Variants in FHDC1 observed in about 807,000 individuals in gnomAD.
The protein encoded by FHDC1 is FH2 domain-containing protein 1.
Under a neutral mutation model 52.6 loss-of-function variants are expected in FHDC1, and 25 were observed. The observed-to-expected ratio is 0.48, with a 90% CI of 0.35 to 0.66. FHDC1 has a LOEUF of 0.66. FHDC1 is among the 30% of genes least tolerant of loss of function. The pLI is 0.01. For missense variants in FHDC1, 1,459 were observed against 1,452.8 expected, an observed-to-expected ratio of 1.00 and a Z score of -0.07; for synonymous variants, 616 against 581.5, an observed-to-expected ratio of 1.06 and a Z score of -0.85.
chr4:152,961,246 C>CTG (rs10689673), intron 6 of FHDC1, among the ~76,000 whole-genome samples: 142,447 of 152,122 alleles, frequency 0.94, 67,392 homozygotes, highest in Non-Finnish European at 1. Context: ...GTCGTGGCCT[C>CTG]TTGGTGGCTG....
the FHDC1 span, among the ~76,000 whole-genome samples, chr4:152,912,735 A>T: frequency 6.6e-6 from 1 of 152,182 alleles, no homozygotes; most frequent in African/African-American, 2.4e-5. Context: ...ATGGATGAAA[A>T]TGGCTGGCTT....
the FHDC1 span, among the ~76,000 whole-genome samples, chr4:152,913,941 A>G: frequency 6.6e-6 from 1 of 152,186 alleles, no homozygotes; most frequent in South Asian, 2.1e-4. Context: ...TCCACCTCCC[A>G]AAGTGCTGGG....
the FHDC1 span, among the ~76,000 whole-genome samples, chr4:152,929,715 C>A: frequency 6.6e-6 from 1 of 152,140 alleles, no homozygotes; most frequent in East Asian, 1.9e-4. The surrounding 1 kb of genome is among the most constrained non-coding windows in gnomAD (Gnocchi z 4.1). Context: ...CAATGTTTAA[C>A]CTGATTATGC....
intron 2 of FHDC1, among the ~76,000 whole-genome samples, chr4:152,953,249 A>T (rs1426725616): frequency 6.6e-6 from 1 of 152,238 alleles, no homozygotes; most frequent in African/African-American, 2.4e-5. Context: ...AAGTTATATA[A>T]TATTAAAGTA....
In FHDC1 at chr4:152,968,048, A is replaced by G; in HGVS notation, c.1169A>G (p.Asn390Ser). The G allele has an allele frequency of 1.2e-6, 2 of 1,613,852 alleles. No homozygotes were observed. The highest frequency in any genetic ancestry group is 4.5e-5 in the East Asian group (2 of 44,868). The change falls in exon 10 of 12, where the codon AAC (asparagine) becomes AGC (serine). Residue 390 changes from asparagine (N) to serine (S), a missense_variant. Asn to Ser is a conservative substitution (Grantham distance 46). Around this residue, in one of 3 missense-constraint regions of FHDC1, gnomAD observed 513 missense variants for 581.5 expected, o/e 0.88. Transcript: ENST00000511601. Reference protein sequence around the residue: ...LFVRTKSLKENIQRDGELCQQ... With the variant: ...LFVRTKSLKESIQRDGELCQQ... ...GTCAGGACAAAATCACTAAAAGAAA[A>G]CATCCAGCGGGATGGTGAACTTTGT...
intron 10 of FHDC1, among the ~76,000 whole-genome samples, chr4:152,968,574 A>G (rs1229629525): frequency 6.6e-6 from 1 of 151,954 alleles, no homozygotes; most frequent in Admixed American, 6.6e-5. Flanking sequence ...GGTGATCCGC[A>G]CTCACTGGGC....
chr4:152,962,690 T>C (rs1266082389), intron 6 of FHDC1, 124 bp from the exon 7 acceptor site: 2 of 713,630 alleles, frequency 2.8e-6, no homozygotes, highest in Non-Finnish European at 4.8e-6. Flanking sequence ...GTTTTTTCCG[T>C]TTTATATACA....
At chr4:152,963,732 A>C in intron 8 of FHDC1, among the ~76,000 whole-genome samples, 1 of 138,576 alleles carries the variant, frequency 7.2e-6, no homozygotes, top group East Asian at 2.3e-4. Context: ...CCATGCTGCT[A>C]GCACAGGGTT....
At chr4:152,915,423 T>C in the FHDC1 span, among the ~76,000 whole-genome samples, 1 of 152,242 alleles carries the variant, frequency 6.6e-6, no homozygotes, top group Admixed American at 6.5e-5. Flanking sequence ...CTTCCTTGTA[T>C]AGTTCTTAAT....
At chr4:152,920,746 C>T in the FHDC1 span, among the ~76,000 whole-genome samples, 1 of 151,850 alleles carries the variant, frequency 6.6e-6, no homozygotes, top group Admixed American at 6.6e-5. Flanking sequence ...AAAGTTTAAA[C>T]TTTGGGTTAA....
chr4:152,967,998 G>C lies in FHDC1; in HGVS notation c.1119G>C (p.Thr373=). ...CTTTTAGATTATCTCTGGAGAACACGGAGGCAGAACTGCACTTGCTGTTTG... is the reference window on the plus strand; with the variant it reads ...CTTTTAGATTATCTCTGGAGAACACCGAGGCAGAACTGCACTTGCTGTTTG... ...QKTARLSLEN[T]EAELHLLFVR... The change falls in exon 10 of 12, where the codon ACG becomes ACC. Residue 373 remains threonine, a synonymous_variant. Transcript: ENST00000511601. The C allele has an allele frequency of 6.2e-7, 1 of 1,613,280 alleles. No homozygotes were observed. The highest frequency in any genetic ancestry group is 2.2e-5 in the East Asian group (1 of 44,838).
At chr4:152,963,153 T>G in intron 8 of FHDC1, 23 bp downstream of exon 8, 2 of 1,601,316 alleles carry the variant, frequency 1.2e-6, no homozygotes, top group South Asian at 2.2e-5. Context: ...GATTAGGACT[T>G]AGAGAACGCA....
chr4:152,969,035 A>C (rs1740554400), intron 10 of FHDC1, among the ~76,000 whole-genome samples: 4 of 151,906 alleles, frequency 2.6e-5, no homozygotes, highest in Admixed American at 2.0e-4. Flanking sequence ...GTGACAGCTC[A>C]CTGTGACTCA....
Position 152,967,994 on chromosome 4 carries a change from A to G in FHDC1, c.1115A>G (p.Asn372Ser). Reference protein sequence around the residue: ...VQKTARLSLENTEAELHLLFV... With the variant: ...VQKTARLSLESTEAELHLLFV... ...TCTTCTTTTAGATTATCTCTGGAGA[A>G]CACGGAGGCAGAACTGCACTTGCTG... Residue 372 changes from asparagine (N) to serine (S), a missense_variant, in exon 10 of 12, where the codon AAC (asparagine) becomes AGC (serine). Asn to Ser is a conservative substitution (Grantham distance 46). This residue lies in a region of FHDC1 where 513 missense variants were observed against 581.5 expected (regional missense o/e 0.88). Coordinates refer to ENST00000511601, the MANE Select transcript of FHDC1 (RefSeq NM_001371116.1). 1.9e-6 allele frequency: 3 copies of G among 1,613,450 alleles called. No individual in the cohort carries two copies. The highest frequency in any genetic ancestry group is 2.5e-6 in the Non-Finnish European group (3 of 1,179,706).
At chr4:152,967,950 A>G (rs773259341) in intron 9 of FHDC1, 30 bp from the exon 10 acceptor site, 8 of 1,559,324 alleles carry the variant, frequency 5.1e-6, no homozygotes, top group East Asian at 2.2e-5. Context: ...TCCTTGTTCC[A>G]ACTGCCCACT....
chr4:152,963,783 T>TG (rs1561211244), intron 8 of FHDC1, among the ~76,000 whole-genome samples: 65 of 124,874 alleles, frequency 5.2e-4, no homozygotes, highest in African/African-American at 2.0e-3. Context: ...TTTTTTTTTT[T>TG]TTTTTTTTTT....
the FHDC1 span, among the ~76,000 whole-genome samples, chr4:152,923,035 G>A: frequency 6.6e-6 from 1 of 152,028 alleles, no homozygotes; most frequent in Non-Finnish European, 1.5e-5. Context: ...AGGAAATAAA[G>A]GGTATTCAAT....
intron 1 of FHDC1, among the ~76,000 whole-genome samples, 153 bp from the exon 2 acceptor site, chr4:152,942,775 C>T (rs963887686): frequency 1.3e-5 from 2 of 152,146 alleles, no homozygotes; most frequent in Non-Finnish European, 2.9e-5. Context: ...TTTAGAAAAG[C>T]GTTGGGTCCT....
Position 152,976,057 on chromosome 4 carries a change from G to A in FHDC1, c.2766G>A (p.Leu922=). Reference sequence around the variant, plus strand: ...GCGCCGGCTGGAGGCGACCAGAGCTGTCATCCCGGGGGCCCTCCCAGAATC... The same window carrying A: ...GCGCCGGCTGGAGGCGACCAGAGCTATCATCCCGGGGGCCCTCCCAGAATC... ...SRGAGWRRPE[L]SSRGPSQNPP... The change falls in exon 12 of 12, where the codon CTG becomes CTA. Residue 922 remains leucine, a synonymous_variant. Coordinates refer to ENST00000511601, the MANE Select transcript of FHDC1 (RefSeq NM_001371116.1). 2 of 1,595,092 alleles carry A rather than the reference G, an allele frequency of 1.3e-6. No homozygotes were observed. The highest frequency in any genetic ancestry group is 1.7e-6 in the Non-Finnish European group (2 of 1,172,106).
Sources: allele counts gnomAD v4.1 joint callset (sites outside exome capture counted in the v4.1 genomes callset), GRCh38; gene constraint gnomAD v4.1.1; regional missense constraint gnomAD v4.1.1; non-coding constraint Gnocchi (gnomAD v3.1); transcripts MANE v1.5; gene names NCBI Gene and HGNC (gene_info 2026-07-23, HGNC 2026-07-21).